Variants in PTPRK observed in about 807,000 individuals in gnomAD.
PTPRK encodes receptor-type tyrosine-protein phosphatase kappa.
Under a neutral mutation model 178.0 loss-of-function variants are expected in PTPRK, and 75 were observed. The observed-to-expected ratio is 0.42, with a 90% CI of 0.35 to 0.51. The LOEUF is 0.51. Among genes scored for constraint, PTPRK ranks in the 20% least tolerant of loss-of-function variants. The pLI, the probability that PTPRK is intolerant of heterozygous loss-of-function variation, is 0.02. For synonymous variants in PTPRK, 637 were observed against 620.6 expected, an observed-to-expected ratio of 1.03 and a Z score of -0.39; for missense variants, 1,441 against 1,797.8, an observed-to-expected ratio of 0.80 and a Z score of 3.59.
intron 1 of PTPRK, among the ~76,000 whole-genome samples, chr6:128,487,803 T>C (rs1191462774): frequency 6.6e-6 from 1 of 152,178 alleles, no homozygotes; most frequent in Non-Finnish European, 1.5e-5. Context: ...GCTTTTCTCT[T>C]GTTAACCTGT....
intron 2 of PTPRK, among the ~76,000 whole-genome samples, chr6:128,332,201 A>T (rs17053277): frequency 0.037 from 5,630 of 152,208 alleles, 362 homozygotes; most frequent in African/African-American, 0.13. Context: ...CATTACTTTG[A>T]CGAACAAAAT....
chr6:128,212,635 A>T (rs1192356912), intron 6 of PTPRK, among the ~76,000 whole-genome samples: 1 of 152,084 alleles, frequency 6.6e-6, no homozygotes, highest in Non-Finnish European at 1.5e-5. Context: ...TTAATGATGC[A>T]AATGATTCTG....
intron 1 of PTPRK, among the ~76,000 whole-genome samples, chr6:128,433,260 C>T (rs1012805916): frequency 6.6e-6 from 1 of 152,036 alleles, no homozygotes; most frequent in Non-Finnish European, 1.5e-5. Context: ...TCTTCATCCC[C>T]GCTTTCCACC....
At chr6:128,349,842 CTT>C (rs965750231) in intron 2 of PTPRK, among the ~76,000 whole-genome samples, 3 of 152,066 alleles carry the variant, frequency 2.0e-5, no homozygotes, top group Admixed American at 1.3e-4. Flanking sequence ...TGTGGAAACT[CTT>C]TAATGATTAT....
intron 13 of PTPRK, chr6:128,062,784 T>C (rs1408371258): frequency 1.3e-5 from 2 of 152,468 alleles, no homozygotes; most frequent in Non-Finnish European, 2.9e-5. Flanking sequence ...GCTTAAGCGA[T>C]GCTCTCGCTT....
intron 6 of PTPRK, among the ~76,000 whole-genome samples, chr6:128,209,834 G>A (rs1183936673): frequency 2.6e-5 from 4 of 152,162 alleles, no homozygotes; most frequent in African/African-American, 9.7e-5. Context: ...AAGAAAACCA[G>A]TGTTGCTAGA....
At chr6:128,394,310 TGAA>T (rs1470263641) in intron 2 of PTPRK, among the ~76,000 whole-genome samples, 82 of 152,334 alleles carry the variant, frequency 5.4e-4, no homozygotes, top group African/African-American at 1.9e-3. Context: ...GGAACTATTA[TGAA>T]TGCTGATGCT....
At chr6:128,233,755 GT>G (rs1023560007) in intron 5 of PTPRK, among the ~76,000 whole-genome samples, 1 of 152,172 alleles carries the variant, frequency 6.6e-6, no homozygotes, top group Admixed American at 6.5e-5. Flanking sequence ...AATTGCCACA[GT>G]TTTGATGACA....
rs1435444423 is a variant in PTPRK, at chr6:128,491,674, C to A, written c.100+28585G>T. The A allele has an allele frequency of 3.3e-5, 15 of 454,102 alleles. 1 individual carries two copies. The highest frequency in any genetic ancestry group is 2.2e-4 in the South Asian group (14 of 64,164). 28.1% of individuals were successfully genotyped at this position (454,102 alleles called of 1,614,324 possible). On this transcript the variant is annotated intron_variant, in intron 1 of 29. Transcript: ENST00000368226. ...CAGGCACTCATGTGAACACCAAAAT[C>A]TGCCACTAAAACAAACATCAGGCTT...
chr6:128,439,721 T>C (rs1405690807), intron 1 of PTPRK, among the ~76,000 whole-genome samples: 2 of 152,192 alleles, frequency 1.3e-5, no homozygotes, highest in South Asian at 2.1e-4. Context: ...AAAGTGAAAA[T>C]GCAGTTGCAA....
At chr6:128,319,889 A>G (rs1052284683) in intron 3 of PTPRK, among the ~76,000 whole-genome samples, 1 of 152,208 alleles carries the variant, frequency 6.6e-6, no homozygotes, top group African/African-American at 2.4e-5. Context: ...TCAAACAAGT[A>G]ATTTACTGAG....
chr6:128,232,466 T>C (rs1048332773), intron 5 of PTPRK, among the ~76,000 whole-genome samples: 1 of 152,206 alleles, frequency 6.6e-6, no homozygotes, highest in African/African-American at 2.4e-5. Flanking sequence ...TATGCTTGGA[T>C]ACTTGGACTA....
At chr6:128,276,210 A>G (rs1000445569) in intron 3 of PTPRK, among the ~76,000 whole-genome samples, 1 of 152,114 alleles carries the variant, frequency 6.6e-6, no homozygotes, top group African/African-American at 2.4e-5. Context: ...TGGTATCTGT[A>G]AGTAATTTAA....
intron 1 of PTPRK, among the ~76,000 whole-genome samples, chr6:128,506,421 C>A (rs1199958209): frequency 6.6e-6 from 1 of 152,022 alleles, no homozygotes; most frequent in African/African-American, 2.4e-5. Flanking sequence ...CCTCAACCTA[C>A]CTAGAGAATT....
intron 1 of PTPRK, among the ~76,000 whole-genome samples, chr6:128,464,634 TACAC>T (rs1554271810): frequency 3.2e-3 from 131 of 40,830 alleles, no homozygotes; most frequent in South Asian, 0.01. Flanking sequence ...TATATATATA[TACAC>T]ATATATATAT....
intron 3 of PTPRK, among the ~76,000 whole-genome samples, chr6:128,305,392 A>G (rs531933926): frequency 6.6e-6 from 1 of 152,286 alleles, no homozygotes; most frequent in Admixed American, 6.5e-5. Context: ...TCAGGCTTGA[A>G]TAGTTAGTCT....
intron 7 of PTPRK, among the ~76,000 whole-genome samples, chr6:128,153,319 G>A (rs1387624723): frequency 6.6e-6 from 1 of 151,862 alleles, no homozygotes; most frequent in Admixed American, 6.6e-5. Flanking sequence ...GATTTCCTCA[G>A]TAAGGTATAG....
intron 11 of PTPRK, among the ~76,000 whole-genome samples, chr6:128,073,054 G>A (rs1358213458): frequency 1.3e-5 from 2 of 151,906 alleles, no homozygotes; most frequent in Non-Finnish European, 2.9e-5. Flanking sequence ...GCACCAACAT[G>A]GTACATTACA....
chr6:128,046,199 T>C (rs1274535507), intron 13 of PTPRK, among the ~76,000 whole-genome samples: 2 of 152,158 alleles, frequency 1.3e-5, no homozygotes, highest in African/African-American at 4.8e-5. Context: ...CTATTACTAA[T>C]ATACTTTTCT....
Sources: gnomAD v4.1 joint callset for allele counts (sites outside exome capture counted in the v4.1 genomes callset) on GRCh38, gnomAD v4.1.1 for gene constraint, MANE v1.5 for transcripts, NCBI Gene and HGNC (gene_info 2026-07-23, HGNC 2026-07-21) for gene names.